Variants in MAPK8 observed in about 807,000 individuals in gnomAD.
MAPK8 encodes the protein mitogen-activated protein kinase 8.
MAPK8 carries 13 observed loss-of-function variants against 52.9 expected under a neutral mutation model. The ratio of observed to expected loss-of-function variants is 0.25; its 90% CI spans 0.16 to 0.39. MAPK8 has a LOEUF of 0.39. MAPK8 is among the 10% of genes least tolerant of loss of function. The pLI, the probability that MAPK8 is intolerant of heterozygous loss-of-function variation, is 1.00. For missense variants in MAPK8, 300 were observed against 519.2 expected, an observed-to-expected ratio of 0.58 and a Z score of 4.10; for synonymous variants, 191 against 169.8, an observed-to-expected ratio of 1.12 and a Z score of -0.97.
At chr10:48,388,446 A>G (rs2041438994) in intron 1 of MAPK8, among the ~76,000 whole-genome samples, 1 of 152,160 alleles carries the variant, frequency 6.6e-6, no homozygotes, top group Non-Finnish European at 1.5e-5. Context: ...TCATTCAACT[A>G]AAGTAGAAAG....
Position 48,431,249 on chromosome 10 carries a change from C to T in MAPK8, c.1117C>T (p.Arg373Trp), listed in dbSNP as rs752334346. ...LEERTKNGVI[R>W]GQPSPLGAAV... ...GGAGAGAACCAAGAATGGAGTTATA[C>T]GGGGGCAGCCCTCTCCTTTAGGTTG... Residue 373 changes from arginine (R) to tryptophan (W), a missense_variant, in exon 11 of 12, where the codon CGG becomes TGG. This residue lies in a region of MAPK8 where 119 missense variants were observed against 154.4 expected (regional missense o/e 0.77). Coordinates refer to ENST00000374189, the MANE Select transcript of MAPK8 (RefSeq NM_001323329.2). 20 of 1,610,826 alleles carry T rather than the reference C, an allele frequency of 1.2e-5. No homozygotes were observed. Among genetic ancestry groups the T allele is most frequent in the South Asian group, 1.2e-4 (11 of 90,962 alleles).
At chr10:48,338,431 A>G (rs1410731006) in intron 1 of MAPK8, among the ~76,000 whole-genome samples, 1 of 152,192 alleles carries the variant, frequency 6.6e-6, no homozygotes, top group Non-Finnish European at 1.5e-5. Context: ...AACATACCTC[A>G]AAATAGTAAG....
chr10:48,426,824 T>G (rs2043712242), intron 9 of MAPK8: 1 of 481,618 alleles, frequency 2.1e-6, no homozygotes, highest in African/African-American at 1.9e-5. Flanking sequence ...AACAGAATTC[T>G]GTGATCTGTG....
intron 1 of MAPK8, among the ~76,000 whole-genome samples, chr10:48,333,969 G>A (rs1451411275): frequency 6.6e-6 from 1 of 152,334 alleles, no homozygotes; most frequent in East Asian, 1.9e-4. Context: ...GGATCTCAGA[G>A]CTGCTGGATG....
rs192223253 is a variant in MAPK8 at position 48,428,324 on chromosome 10, T to G, written c.1060+1181T>G. Among the ~76,000 whole-genome samples the G allele has an allele frequency of 8.4e-3, 1,284 of 152,306 alleles. 20 individuals carry two copies. Among genetic ancestry groups the G allele is most frequent in the African/African-American group, 0.029 (1,213 of 41,564 alleles). On this transcript the variant is annotated intron_variant, in intron 10 of 11. Coordinates refer to ENST00000374189, the MANE Select transcript of MAPK8 (RefSeq NM_001323329.2). ...TTTGTGTTATTGTCCTTCAGTGTTT[T>G]GACCACTTTTGTAACTGCGTGACTT...
intron 1 of MAPK8, among the ~76,000 whole-genome samples, chr10:48,395,431 T>C (rs1302653708): frequency 6.6e-6 from 1 of 152,026 alleles, no homozygotes; most frequent in Non-Finnish European, 1.5e-5. Flanking sequence ...TAACAAATGA[T>C]TTTTGGACAA....
intron 1 of MAPK8, among the ~76,000 whole-genome samples, chr10:48,387,022 T>A (rs1182245279): frequency 6.6e-6 from 1 of 152,222 alleles, no homozygotes; most frequent in Non-Finnish European, 1.5e-5. Context: ...GTTGAGACAG[T>A]TTCTGTCTTA....
intron 7 of MAPK8, chr10:48,424,487 GT>G: frequency 7.1e-7 from 1 of 1,412,862 alleles, no homozygotes; most frequent in Non-Finnish European, 9.7e-7. Context: ...AAATCTTTAT[GT>G]TAATGTCATT....
chr10:48,323,898 A>G (rs1843223869), intron 1 of MAPK8, among the ~76,000 whole-genome samples: 1 of 152,144 alleles, frequency 6.6e-6, no homozygotes, highest in Non-Finnish European at 1.5e-5. Flanking sequence ...AACCTGGTTT[A>G]AGTTCAGTGT....
chr10:48,425,825 A>G lies in MAPK8; in HGVS notation c.689-63A>G, dbSNP rs980463757. 14 of 254,008 alleles carry G rather than the reference A, an allele frequency of 5.5e-5. No individual in the cohort carries two copies. The Admixed American group carries it at 1.2e-3, about 21-fold the overall frequency. The allele number at this position is 254,008 out of a possible 1,614,324, so 15.7% of individuals were successfully genotyped here. ...TTTTAAATTTCTATTTTCTTGTAAT[A>G]TGAATATGACTAATGTATTGAACAT... On this transcript the variant is annotated intron_variant, in intron 7 of 11. Coordinates refer to ENST00000374189, the MANE Select transcript of MAPK8 (RefSeq NM_001323329.2).
chr10:48,342,652 A>T (rs2132350398), intron 1 of MAPK8, among the ~76,000 whole-genome samples: 1 of 152,344 alleles, frequency 6.6e-6, no homozygotes, highest in South Asian at 2.1e-4. Context: ...TTTAGAGGGA[A>T]ACAGTATAAT....
At chr10:48,395,649 A>T (rs1269488023) in intron 1 of MAPK8, among the ~76,000 whole-genome samples, 1 of 152,098 alleles carries the variant, frequency 6.6e-6, no homozygotes, top group Non-Finnish European at 1.5e-5. Flanking sequence ...TTATTCTAAA[A>T]TGTATATAGA....
chr10:48,393,447 T>C (rs149753830), intron 1 of MAPK8, among the ~76,000 whole-genome samples: 2 of 152,238 alleles, frequency 1.3e-5, no homozygotes, highest in East Asian at 3.9e-4. Flanking sequence ...AAGATTCAGT[T>C]TCATAATCTG....
At position 48,410,187 on chromosome 10, in the gene MAPK8, C is replaced by T. The variant is rs2133075709; in HGVS notation, c.450+19C>T. 1.4e-6 allele frequency: 2 copies of T among 1,471,150 alleles called. No individual in the cohort carries two copies. The highest frequency in any genetic ancestry group is 1.6e-5 in the South Asian group (1 of 62,186). The allele number at this position is 1,471,150 out of a possible 1,614,324, so 91.1% of individuals were successfully genotyped here. A position where few individuals can be genotyped will look rare whatever the true frequency, so the allele number is the denominator to read the frequency against. On this transcript the variant is annotated intron_variant, in intron 5 of 11. Coordinates refer to ENST00000374189, the MANE Select transcript of MAPK8 (RefSeq NM_001323329.2). ...TCATCGGGTTAGTAGAAGAAACTAT[C>T]GTCATACTCTTTGTTTTCTCATTGA... is the stretch of plus-strand genomic sequence containing the variant.
intron 7 of MAPK8, 132 bp downstream of exon 7, chr10:48,424,291 C>T: frequency 1.2e-6 from 1 of 860,132 alleles, no homozygotes; most frequent in Non-Finnish European, 1.8e-6. Context: ...TATTATAGTT[C>T]AAAAATTGTT....
At position 48,438,852 on chromosome 10, in the gene MAPK8, A is replaced by G. The variant is rs112893609; in HGVS notation, c.*3823A>G. On this transcript the variant is annotated 3_prime_UTR_variant, in exon 12 of 12. Coordinates refer to ENST00000374189, the MANE Select transcript of MAPK8 (RefSeq NM_001323329.2). ...TGACATTATTACTGTTTTTGTAAGT[A>G]GAAACCTGCTCGTGATATCGGTCCA... 9.2e-5 allele frequency: 14 copies of G among 152,370 alleles called. No individual in the cohort carries two copies. The South Asian group carries it at 2.9e-3, about 32-fold the overall frequency. 9.4% of individuals were successfully genotyped at this position (152,370 alleles called of 1,614,324 possible).
chr10:48,358,932 C>T (rs894839454), intron 1 of MAPK8, among the ~76,000 whole-genome samples: 10 of 152,156 alleles, frequency 6.6e-5, no homozygotes, highest in Admixed American at 1.3e-4. Context: ...GGGTTTACTT[C>T]GGGACTTTCT....
rs1056269814 is a variant in MAPK8, at chr10:48,397,313, G to C, written c.-49-4299G>C. Among the ~76,000 whole-genome samples the C allele has an allele frequency of 5.3e-5, 8 of 151,754 alleles. No individual in the cohort carries two copies. The South Asian group carries it at 1.5e-3, about 28-fold the overall frequency. On this transcript the variant is annotated intron_variant, in intron 1 of 11. Transcript: ENST00000374189. ...ATAGATGTGCACTACTACTGTGGCA[G>C]ATTTTTTTTTTCTTTCATTTTTTAT...
intron 3 of MAPK8, among the ~76,000 whole-genome samples, chr10:48,405,808 T>C (rs1248253039): frequency 6.6e-6 from 1 of 152,200 alleles, no homozygotes; most frequent in Non-Finnish European, 1.5e-5. Context: ...ACCTTCTGAC[T>C]ACAGATAATA....
Sources: allele counts gnomAD v4.1 joint callset (sites outside exome capture counted in the v4.1 genomes callset), GRCh38; gene constraint gnomAD v4.1.1; regional missense constraint gnomAD v4.1.1; transcripts MANE v1.5; gene names NCBI Gene and HGNC (gene_info 2026-07-23, HGNC 2026-07-21).